The following AP3B1 variants were observed in gnomAD, a reference collection of about 807,000 sequenced individuals.
AP3B1 encodes the protein AP-3 complex subunit beta-1.
In AP3B1, 61 loss-of-function variants were observed where a neutral mutation model predicts 132.5. The observed-to-expected ratio is 0.46, with a 90% confidence interval of 0.37 to 0.57. AP3B1 has a LOEUF of 0.57. Ranked by LOEUF, AP3B1 falls within the 20% of genes least tolerant of loss-of-function variation. The pLI is 0.00. For synonymous variants in AP3B1, 388 were observed against 438.3 expected, an observed-to-expected ratio of 0.89 and a Z score of 1.43; for missense variants, 1,120 against 1,289.4, an observed-to-expected ratio of 0.87 and a Z score of 2.01.
At chr5:78,050,101 G>A (rs1423451099) in intron 22 of AP3B1, among the ~76,000 whole-genome samples, 1 of 152,010 alleles carries the variant, frequency 6.6e-6, no homozygotes, top group Non-Finnish European at 1.5e-5. Flanking sequence ...TCCCACTATA[G>A]GTTATTCCCT....
chr5:78,132,137 C>G (rs1752714338), intron 15 of AP3B1, among the ~76,000 whole-genome samples: 1 of 152,156 alleles, frequency 6.6e-6, no homozygotes, highest in Non-Finnish European at 1.5e-5. Context: ...ATACTAATAT[C>G]AGTAAATGTG....
intron 22 of AP3B1, chr5:78,043,600 G>A (rs1748192701): frequency 2.1e-6 from 1 of 484,110 alleles, no homozygotes; most frequent in East Asian, 5.9e-5. Flanking sequence ...CTTCTTTAAG[G>A]TGGAGGGTCA....
At position 78,169,810 on chromosome 5, in the gene AP3B1, G is replaced by A. The variant is rs1167081484; in HGVS notation, c.1168-4138C>T. Among the ~76,000 whole-genome samples, 173 of 151,926 alleles carry A rather than the reference G, an allele frequency of 1.1e-3. 1 individual carries two copies. The highest frequency in any genetic ancestry group is 0.011 in the Admixed American group (170 of 15,252). ...TTAGGGTATATGTGCACAACGTGCA[G>A]GTTTGATACATAGGTATACATGTGC... On this transcript the variant is annotated intron_variant, in intron 11 of 26. Coordinates refer to ENST00000255194, the MANE Select transcript of AP3B1 (RefSeq NM_003664.5).
rs529706646 is a variant in AP3B1, at chr5:78,282,141, G to C, written c.128+12311C>G. Among the ~76,000 whole-genome samples the C allele has an allele frequency of 2.4e-4, 37 of 152,088 alleles. No individual in the cohort carries two copies. The South Asian group carries it at 2.5e-3, about 10-fold the overall frequency. Reference sequence around the variant, plus strand: ...TCGATTTCCACACTCAACATCCCTTGACACTGCTGTCACCACCACCAAGGT... The same window carrying C: ...TCGATTTCCACACTCAACATCCCTTCACACTGCTGTCACCACCACCAAGGT... On this transcript the variant is annotated intron_variant, in intron 1 of 26. Transcript: ENST00000255194.
Position 78,279,087 on chromosome 5 carries a change from A to C in AP3B1, c.129-11492T>G, listed in dbSNP as rs1748926659. On this transcript the variant is annotated intron_variant, in intron 1 of 26. Coordinates refer to ENST00000255194, the MANE Select transcript of AP3B1 (RefSeq NM_003664.5). ...ATGGAAAGATCTTTTAAAATATACC[A>C]GGTGGAAAGCAAGATACATAGAGAA... is the stretch of plus-strand genomic sequence containing the variant. Among the ~76,000 whole-genome samples, 2 of 152,216 alleles carry C rather than the reference A, an allele frequency of 1.3e-5. 1 individual carries two copies. The highest frequency in any genetic ancestry group is 4.8e-5 in the African/African-American group (2 of 41,464).
chr5:78,163,591 GTATA>G (rs143965118), intron 12 of AP3B1, among the ~76,000 whole-genome samples: 2 of 145,672 alleles, frequency 1.4e-5, no homozygotes, highest in South Asian at 2.2e-4. Flanking sequence ...GTGTGTGTGT[GTATA>G]TATATATATG....
At chr5:78,183,434 G>C (rs141874975) in intron 7 of AP3B1, among the ~76,000 whole-genome samples, 6 of 152,100 alleles carry the variant, frequency 3.9e-5, no homozygotes, top group Non-Finnish European at 5.9e-5. Flanking sequence ...AATAAAAATA[G>C]ATAACTAGCA....
intron 5 of AP3B1, 27 bp from the exon 6 acceptor site, chr5:78,225,635 A>G: frequency 7.0e-7 from 1 of 1,420,552 alleles, no homozygotes. Flanking sequence ...TAACATATTA[A>G]TTTTTCCCTT....
chr5:78,075,117 A>G (rs951257862), intron 22 of AP3B1, among the ~76,000 whole-genome samples: 4 of 152,176 alleles, frequency 2.6e-5, no homozygotes, highest in African/African-American at 4.8e-5. Context: ...CTCTGCCAAT[A>G]TAAGAGATTG....
intron 1 of AP3B1, among the ~76,000 whole-genome samples, chr5:78,268,433 T>C (rs1332441057): frequency 1.3e-5 from 2 of 152,092 alleles, no homozygotes; most frequent in South Asian, 4.1e-4. Context: ...AGGAACTAAA[T>C]AGAAAGGAAA....
intron 22 of AP3B1, among the ~76,000 whole-genome samples, chr5:78,061,484 A>G (rs984001188): frequency 3.3e-5 from 5 of 152,224 alleles, no homozygotes; most frequent in African/African-American, 1.2e-4. Context: ...AAGGTACAAG[A>G]CTAAGTTGTC....
At chr5:78,104,882 T>C (rs1751270915) in intron 20 of AP3B1, among the ~76,000 whole-genome samples, 4 of 152,156 alleles carry the variant, frequency 2.6e-5, no homozygotes, top group Admixed American at 2.6e-4. Context: ...GACACAAATA[T>C]AACCTGAGAT....
chr5:78,074,230 T>C (rs568907911), intron 22 of AP3B1, among the ~76,000 whole-genome samples: 25 of 152,266 alleles, frequency 1.6e-4, no homozygotes, highest in South Asian at 4.1e-4. Context: ...TGGTCTGTTA[T>C]GAGTACCTCA....
chr5:78,105,529 T>C (rs933505940), intron 20 of AP3B1, among the ~76,000 whole-genome samples: 5 of 150,776 alleles, frequency 3.3e-5, no homozygotes, highest in Non-Finnish European at 5.9e-5. Flanking sequence ...CATCACTGAA[T>C]TTTCTCTCCA....
intron 2 of AP3B1, among the ~76,000 whole-genome samples, chr5:78,247,629 A>T (rs987186478): frequency 5.3e-5 from 8 of 151,994 alleles, no homozygotes; most frequent in Admixed American, 2.0e-4. Flanking sequence ...TTTGTTCAAA[A>T]GTTTACTCTC....
At chr5:78,137,640 T>A (rs914630088) in intron 15 of AP3B1, among the ~76,000 whole-genome samples, 51 of 152,334 alleles carry the variant, frequency 3.3e-4, no homozygotes, top group Non-Finnish European at 1.5e-4. Flanking sequence ...TGCTTTTCTT[T>A]ACTATTCTGT....
chr5:78,247,516 T>C (rs886790629), intron 2 of AP3B1, among the ~76,000 whole-genome samples: 6 of 151,546 alleles, frequency 4.0e-5, no homozygotes, highest in African/African-American at 9.7e-5. Context: ...AGGTTTTTTT[T>C]TTTACTCCGT....
At chr5:78,016,390 G>T (rs1306915390) in intron 25 of AP3B1, among the ~76,000 whole-genome samples, 1 of 151,942 alleles carries the variant, frequency 6.6e-6, no homozygotes, top group Non-Finnish European at 1.5e-5. Flanking sequence ...AACAAATACT[G>T]AAATTTAGTG....
intron 1 of AP3B1, among the ~76,000 whole-genome samples, chr5:78,289,008 G>T (rs748108020): frequency 1.0e-4 from 15 of 147,134 alleles, no homozygotes; most frequent in Non-Finnish European, 2.1e-4. Flanking sequence ...AATAAAAAAT[G>T]GACTTAAACA....
Sources: allele counts gnomAD v4.1 joint callset (sites outside exome capture counted in the v4.1 genomes callset), GRCh38; gene constraint gnomAD v4.1.1; transcripts MANE v1.5; gene names NCBI Gene and HGNC (gene_info 2026-07-23, HGNC 2026-07-21).